Variants in GOPC observed in about 807,000 individuals in gnomAD.
GOPC encodes the protein golgi associated PDZ and coiled-coil motif containing.
Under a neutral mutation model 51.2 loss-of-function variants are expected in GOPC, and 32 were observed. The observed-to-expected ratio is 0.63, with a 90% CI of 0.47 to 0.84. GOPC has a LOEUF of 0.84. GOPC is among the 40% of genes least tolerant of loss of function. GOPC has a pLI of 0.00. For missense variants in GOPC, 441 were observed against 555.5 expected, an observed-to-expected ratio of 0.79 and a Z score of 2.07; for synonymous variants, 190 against 205.1, an observed-to-expected ratio of 0.93 and a Z score of 0.63.
chr6:117,600,975 A>G (rs1489690429), intron 1 of GOPC, among the ~76,000 whole-genome samples: 2 of 152,210 alleles, frequency 1.3e-5, no homozygotes, highest in Non-Finnish European at 2.9e-5. Context: ...ACCACTAGGC[A>G]AGGAGAGGAT....
chr6:117,571,083 G>A, intron 5 of GOPC, 128 bp from the exon 6 acceptor site: 1 of 402,234 alleles, frequency 2.5e-6, no homozygotes, highest in Non-Finnish European at 4.4e-6. Flanking sequence ...AACAGTATAG[G>A]GTTAAGAAAG....
At chr6:117,596,463 G>C (rs117059459) in intron 1 of GOPC, among the ~76,000 whole-genome samples, 5,424 of 152,224 alleles carry the variant, frequency 0.036, 128 homozygotes, top group Non-Finnish European at 0.051. Context: ...TGAAGTCTTT[G>C]CCTAAGCCAA....
intron 7 of GOPC, among the ~76,000 whole-genome samples, chr6:117,568,050 T>A (rs960648063): frequency 7.2e-6 from 1 of 139,476 alleles, no homozygotes. Context: ...AAAAAAAAAA[T>A]TAGCTGGCCA....
intron 1 of GOPC, among the ~76,000 whole-genome samples, chr6:117,596,408 T>C (rs1780198982): frequency 6.6e-6 from 1 of 152,226 alleles, no homozygotes; most frequent in Admixed American, 6.5e-5. Context: ...AAGTCCCATC[T>C]ATTTATCTTT....
intron 4 of GOPC, 128 bp from the exon 5 acceptor site, chr6:117,573,760 C>T (rs2114610957): frequency 1.5e-6 from 1 of 657,914 alleles, no homozygotes. Context: ...TACTCACGAA[C>T]TTCTTGATGT....
At chr6:117,574,336 A>C (rs181146751) in intron 4 of GOPC, among the ~76,000 whole-genome samples, 15 of 152,312 alleles carry the variant, frequency 9.8e-5, no homozygotes, top group African/African-American at 3.4e-4. Flanking sequence ...CATGTTTTTA[A>C]TGTGACATTA....
chr6:117,601,604 G>A (rs1281153992), intron 1 of GOPC, among the ~76,000 whole-genome samples: 1 of 152,186 alleles, frequency 6.6e-6, no homozygotes, highest in African/African-American at 2.4e-5. Flanking sequence ...AAAATAATCA[G>A]TGCTGTATCT....
At position 117,602,015 on chromosome 6, in the gene GOPC, G is replaced by T; in HGVS notation, c.274C>A (p.His92Asn). 2.5e-6 allele frequency: 4 copies of T among 1,614,090 alleles called. No individual in the cohort carries two copies. Among genetic ancestry groups the T allele is most frequent in the Non-Finnish European group, 3.4e-6 (4 of 1,179,958 alleles). Residue 92 changes from histidine (H) to asparagine (N), a missense_variant, in exon 1 of 9, where the codon CAC becomes AAC. By Grantham distance (68) the His-to-Asn change is moderately conservative. Coordinates refer to ENST00000368498, the MANE Select transcript of GOPC (RefSeq NM_020399.4). ...HKAQSVSQIN[H>N]KLEAQLVDLK... ...CACCCACGGCTCACCTCCAGCTTGTGGTTGATTTGAGACACAGACTGGGCT... is the reference window on the plus strand; with the variant it reads ...CACCCACGGCTCACCTCCAGCTTGTTGTTGATTTGAGACACAGACTGGGCT...
chr6:117,590,739 G>A (rs547366989), intron 1 of GOPC, among the ~76,000 whole-genome samples: 10 of 152,250 alleles, frequency 6.6e-5, no homozygotes, highest in African/African-American at 1.9e-4. Flanking sequence ...CTAATACAGG[G>A]AGTGGAAAGG....
In GOPC at chr6:117,562,505, C is replaced by T. The variant is rs780352681; in HGVS notation, c.*749G>A. 12 of 202,868 alleles carry T rather than the reference C, an allele frequency of 5.9e-5. No individual in the cohort carries two copies. Among genetic ancestry groups the T allele is most frequent in the African/African-American group, 1.1e-4 (5 of 43,616 alleles). 12.6% of individuals were successfully genotyped at this position (202,868 alleles called of 1,614,324 possible). A position where few individuals can be genotyped will look rare whatever the true frequency, so the allele number is the denominator to read the frequency against. On this transcript the variant is annotated 3_prime_UTR_variant, in exon 9 of 9. Transcript: ENST00000368498. ...TGAATGGGTAAATGCTCCAGTACTGCGCACACAGATCAACATAATTGAGAA... is the reference window on the plus strand; with the variant it reads ...TGAATGGGTAAATGCTCCAGTACTGTGCACACAGATCAACATAATTGAGAA...
chr6:117,586,475 C>CTTTTTTT (rs869148559), intron 1 of GOPC, among the ~76,000 whole-genome samples: 27 of 91,932 alleles, frequency 2.9e-4, no homozygotes, highest in South Asian at 4.3e-4. Context: ...CACAGAGATT[C>CTTTTTTT]TTTTTTTTTT....
In GOPC at chr6:117,563,039, C is replaced by A. The variant is rs763981221; in HGVS notation, c.*215G>T. On this transcript the variant is annotated 3_prime_UTR_variant, in exon 9 of 9. Transcript: ENST00000368498. ...TTGGTGCTTACAAGTTCAAGAAAAT[C>A]AAAATTGCTTTACATGCAATAGCTA... 3 of 508,406 alleles carry A rather than the reference C, an allele frequency of 5.9e-6. No individual in the cohort carries two copies. The highest frequency in any genetic ancestry group is 6.6e-5 in the East Asian group (2 of 30,302). The allele number at this position is 508,406 out of a possible 1,614,324, so 31.5% of individuals were successfully genotyped here.
chr6:117,582,849 C>T (rs9489221), intron 1 of GOPC, among the ~76,000 whole-genome samples: 2,384 of 151,642 alleles, frequency 0.016, 46 homozygotes, highest in African/African-American at 0.055. Context: ...GACAAGAATT[C>T]GGGACCCACC....
In GOPC at chr6:117,592,918, C is replaced by G. The variant is rs908958197; in HGVS notation, c.285+9086G>C. Among the ~76,000 whole-genome samples the G allele has an allele frequency of 3.3e-5, 5 of 152,302 alleles. No individual in the cohort carries two copies. The East Asian group carries it at 7.7e-4, about 23-fold the overall frequency. ...AGTCTTCAATTTATCTCCTTTTCATCAGCCCCATTACCACTTTCACTTCAA... is the reference window on the plus strand; with the variant it reads ...AGTCTTCAATTTATCTCCTTTTCATGAGCCCCATTACCACTTTCACTTCAA... On this transcript the variant is annotated intron_variant, in intron 1 of 8. Coordinates refer to ENST00000368498, the MANE Select transcript of GOPC (RefSeq NM_020399.4).
rs562855576 is a variant in GOPC at position 117,569,953 on chromosome 6, A to G, written c.913-217T>C. 4.0e-4 allele frequency: 168 copies of G among 423,038 alleles called. 1 individual carries two copies. Among genetic ancestry groups the G allele is most frequent in the African/African-American group, 3.3e-3 (159 of 48,192 alleles). 26.2% of individuals were successfully genotyped at this position (423,038 alleles called of 1,614,324 possible). On this transcript the variant is annotated intron_variant, in intron 6 of 8. Transcript: ENST00000368498. ...TAAATTCTTAAATTAAAAAAAACTT[A>G]TGTGTTAGTACTCCATAGCACCATT...
At chr6:117,581,127 A>C (rs1374596385) in intron 1 of GOPC, among the ~76,000 whole-genome samples, 1 of 152,190 alleles carries the variant, frequency 6.6e-6, no homozygotes, top group African/African-American at 2.4e-5. Flanking sequence ...GGAAATAAAG[A>C]AAATAAATAA....
At chr6:117,574,122 A>G (rs210641) in intron 4 of GOPC, among the ~76,000 whole-genome samples, 152,044 of 152,158 alleles carry the variant, frequency 1, 75,965 homozygotes, top group Middle Eastern at 1. Context: ...GCATGGTGGC[A>G]TGCCTGTGGT....
chr6:117,571,717 A>G (rs545396156), intron 5 of GOPC, among the ~76,000 whole-genome samples: 2 of 152,156 alleles, frequency 1.3e-5, no homozygotes, highest in Admixed American at 6.6e-5. Context: ...CACAACTGGA[A>G]TTTTCTTTTC....
intron 8 of GOPC, among the ~76,000 whole-genome samples, chr6:117,565,962 A>G (rs1349327627): frequency 6.6e-6 from 1 of 152,174 alleles, no homozygotes; most frequent in African/African-American, 2.4e-5. Context: ...ATCTCATCAC[A>G]AAGAATATTA....
Sources: allele counts gnomAD v4.1 joint callset (sites outside exome capture counted in the v4.1 genomes callset), GRCh38; gene constraint gnomAD v4.1.1; transcripts MANE v1.5; gene names NCBI Gene and HGNC (gene_info 2026-07-23, HGNC 2026-07-21).